The following STPG2 variants were observed in gnomAD, a reference collection of about 807,000 sequenced individuals.
STPG2 encodes the protein sperm tail PG-rich repeat containing 2.
STPG2 carries 56 observed loss-of-function variants against 54.2 expected under a neutral mutation model. That is an observed-to-expected ratio of 1.03 (90% CI 0.83 to 1.29). The LOEUF (loss-of-function observed/expected upper bound fraction) is 1.29, where lower values mean the gene tolerates loss of function less well. Among genes scored for constraint, STPG2 ranks in the 50% most tolerant of loss-of-function variants. The pLI, the probability that STPG2 is intolerant of heterozygous loss-of-function variation, is 0.00. For missense variants in STPG2, 596 were observed against 544.9 expected (o/e 1.09, Z -0.93); for synonymous variants, 200 against 181.8 (o/e 1.10, Z -0.81).
chr4:97,816,120 A>G (rs1490722430), intron 9 of STPG2, among the ~76,000 whole-genome samples: 2 of 152,132 alleles, frequency 1.3e-5, no homozygotes, highest in African/African-American at 4.8e-5. Context: ...TATGAGTGAC[A>G]ACATGCAGTG....
chr4:97,743,670 T>C (rs1234947639), intron 9 of STPG2, among the ~76,000 whole-genome samples: 1 of 151,602 alleles, frequency 6.6e-6, no homozygotes, highest in Non-Finnish European at 1.5e-5. Context: ...ATTCAAGTTC[T>C]ACCTCAAAGA....
chr4:97,762,876 A>G (rs1310959454), intron 9 of STPG2, among the ~76,000 whole-genome samples: 2 of 152,172 alleles, frequency 1.3e-5, no homozygotes, highest in Non-Finnish European at 2.9e-5. Context: ...AAATGTCACT[A>G]TATCTCCTTT....
At chr4:97,471,911 C>T (rs1729946108) in intron 4 of STPG2, among the ~76,000 whole-genome samples, 1 of 152,052 alleles carries the variant, frequency 6.6e-6, no homozygotes, top group Admixed American at 6.6e-5. Context: ...AGGTACATCC[C>T]AATGGTAAAT....
intron 8 of STPG2, among the ~76,000 whole-genome samples, chr4:97,872,123 T>C (rs1730012735): frequency 1.3e-5 from 2 of 150,972 alleles, no homozygotes; most frequent in Admixed American, 1.3e-4. Flanking sequence ...TTCAATAAAA[T>C]GAGAATAATA....
intron 10 of STPG2, among the ~76,000 whole-genome samples, chr4:97,584,617 A>G (rs1201797087): frequency 1.3e-5 from 2 of 151,914 alleles, no homozygotes; most frequent in African/African-American, 4.8e-5. Flanking sequence ...ATAAACAAAA[A>G]TGATAGACCA....
intron 8 of STPG2, among the ~76,000 whole-genome samples, chr4:97,844,483 C>T (rs1280559717): frequency 6.6e-6 from 1 of 152,038 alleles, no homozygotes; most frequent in East Asian, 1.9e-4. Context: ...TACTCTCAGC[C>T]TTTTGCATGT....
intron 8 of STPG2, among the ~76,000 whole-genome samples, chr4:97,854,643 A>G (rs1180141685): frequency 6.6e-6 from 1 of 152,084 alleles, no homozygotes; most frequent in Non-Finnish European, 1.5e-5. Context: ...GGCAGGTATC[A>G]AGGTATCAAT....
At chr4:98,074,920 T>C (rs1353070972) in intron 5 of STPG2, among the ~76,000 whole-genome samples, 2 of 150,054 alleles carry the variant, frequency 1.3e-5, no homozygotes, top group Non-Finnish European at 3.0e-5. Context: ...GGATTATAAT[T>C]AAGTGCTGTA....
At chr4:97,954,459 C>T (rs947570538) in intron 7 of STPG2, among the ~76,000 whole-genome samples, 3 of 152,170 alleles carry the variant, frequency 2.0e-5, no homozygotes, top group Non-Finnish European at 2.9e-5. Context: ...CCTCAAAGCA[C>T]ATGGCCTATT....
At chr4:97,755,239 T>C (rs968060364) in intron 9 of STPG2, among the ~76,000 whole-genome samples, 2 of 152,170 alleles carry the variant, frequency 1.3e-5, no homozygotes, top group African/African-American at 4.8e-5. Context: ...TGGTTAGCCA[T>C]GTCTATCAGA....
chr4:97,838,400 T>C (rs7676722), intron 9 of STPG2, among the ~76,000 whole-genome samples: 295 of 151,412 alleles, frequency 1.9e-3, no homozygotes, highest in African/African-American at 7.0e-3. Flanking sequence ...CATGTATTAG[T>C]TGTCCCTAGC....
intron 9 of STPG2, among the ~76,000 whole-genome samples, chr4:97,806,324 C>A (rs1488744994): frequency 1.3e-5 from 2 of 152,004 alleles, no homozygotes; most frequent in East Asian, 1.9e-4. Context: ...ACTGGGTATA[C>A]ATGGACATCG....
At chr4:97,611,749 TATTA>T (rs1733734647) in intron 10 of STPG2, among the ~76,000 whole-genome samples, 1 of 151,906 alleles carries the variant, frequency 6.6e-6, no homozygotes, top group Admixed American at 6.6e-5. Flanking sequence ...GTTATGAGAC[TATTA>T]ATTATTTATT....
intron 5 of STPG2, among the ~76,000 whole-genome samples, chr4:97,993,277 A>T (rs1437573666): frequency 1.3e-5 from 2 of 152,082 alleles, no homozygotes; most frequent in Non-Finnish European, 2.9e-5. Flanking sequence ...GATTTTGCTG[A>T]GGGTTTAATC....
intron 9 of STPG2, among the ~76,000 whole-genome samples, chr4:97,816,488 C>T (rs1227890091): frequency 6.6e-6 from 1 of 152,156 alleles, no homozygotes; most frequent in Non-Finnish European, 1.5e-5. Context: ...CAAATTTACA[C>T]TCCCACCAAC....
At chr4:97,451,494 CT>C (rs1729362732) in intron 4 of STPG2, among the ~76,000 whole-genome samples, 2 of 151,912 alleles carry the variant, frequency 1.3e-5, no homozygotes, top group South Asian at 2.1e-4. Flanking sequence ...AAATAGAGAT[CT>C]TTTTTATAAT....
At chr4:97,980,525 T>C (rs1007042405) in intron 6 of STPG2, among the ~76,000 whole-genome samples, 1 of 152,180 alleles carries the variant, frequency 6.6e-6, no homozygotes, top group Non-Finnish European at 1.5e-5. Flanking sequence ...TGGGCCACCA[T>C]GTTAAATGTT....
chr4:97,849,540 C>A (rs1048958927), intron 8 of STPG2, among the ~76,000 whole-genome samples: 46 of 152,090 alleles, frequency 3.0e-4, no homozygotes, highest in African/African-American at 1.1e-3. Flanking sequence ...GGGCTAATAT[C>A]CAGAATCTAC....
intron 8 of STPG2, among the ~76,000 whole-genome samples, chr4:97,880,934 C>T (rs1016835074): frequency 2.0e-5 from 3 of 151,976 alleles, no homozygotes; most frequent in African/African-American, 7.2e-5. Flanking sequence ...GTTATTGCTG[C>T]TATTCTCAAA....
Sources: gnomAD v4.1 joint callset for allele counts (sites outside exome capture counted in the v4.1 genomes callset) on GRCh38, gnomAD v4.1.1 for gene constraint, MANE v1.5 for transcripts, NCBI Gene and HGNC (gene_info 2026-07-23, HGNC 2026-07-21) for gene names.